APPBP2: variants seen among roughly 807,000 people sequenced by gnomAD.
APPBP2 encodes amyloid beta precursor protein binding protein 2.
Under a neutral mutation model 76.0 loss-of-function variants are expected in APPBP2, and 15 were observed. That is an observed-to-expected ratio of 0.20 (90% CI 0.13 to 0.30). The LOEUF (loss-of-function observed/expected upper bound fraction) is 0.30. Among genes scored for constraint, APPBP2 ranks in the 10% least tolerant of loss-of-function variants. APPBP2 has a pLI of 1.00. For missense variants in APPBP2, 401 were observed against 687.2 expected (o/e 0.58, Z 4.66); for synonymous variants, 222 against 242.2 (o/e 0.92, Z 0.77).
At chr17:60,506,319 T>A (rs1019906174) in intron 1 of APPBP2, among the ~76,000 whole-genome samples, 1 of 152,154 alleles carries the variant, frequency 6.6e-6, no homozygotes, top group Admixed American at 6.5e-5. Flanking sequence ...ATTTCTGACC[T>A]CATCGTTTAC....
chr17:60,498,830 A>C (rs1044808266), intron 2 of APPBP2, among the ~76,000 whole-genome samples: 12 of 152,216 alleles, frequency 7.9e-5, no homozygotes, highest in Non-Finnish European at 2.9e-5. Flanking sequence ...TCATAGTGAA[A>C]TAATACCAGG....
At chr17:60,475,648 T>TATAC (rs777888694) in intron 4 of APPBP2, among the ~76,000 whole-genome samples, 3 of 129,192 alleles carry the variant, frequency 2.3e-5, no homozygotes, top group African/African-American at 9.1e-5. Context: ...CAACTCTTTA[T>TATAC]ACACACACAC....
chr17:60,462,361 A>C (rs1400847803), intron 6 of APPBP2: 1 of 263,790 alleles, frequency 3.8e-6, no homozygotes, highest in African/African-American at 2.2e-5. Flanking sequence ...GCTATTATTA[A>C]AATAAAACAA....
chr17:60,508,750 G>A (rs1166922026), intron 1 of APPBP2, among the ~76,000 whole-genome samples: 1 of 152,138 alleles, frequency 6.6e-6, no homozygotes, highest in Non-Finnish European at 1.5e-5. Flanking sequence ...ATACTACCTA[G>A]ATGATTTACA....
At chr17:60,491,388 T>C (rs1303420309) in intron 3 of APPBP2, among the ~76,000 whole-genome samples, 1 of 152,146 alleles carries the variant, frequency 6.6e-6, no homozygotes, top group African/African-American at 2.4e-5. Context: ...GTGACTGGAG[T>C]GCTGTTAAAA....
At position 60,526,017 on chromosome 17, in the gene APPBP2, G is replaced by A. The variant is rs1278643469; in HGVS notation, c.-86C>T. On this transcript the variant is annotated 5_prime_UTR_variant, in exon 1 of 13. Coordinates refer to ENST00000083182, the MANE Select transcript of APPBP2 (RefSeq NM_006380.5). ...CGTAGCGAACCCCTCTGCGGCCCCG[G>A]AGGATTCGGAGGGGCGGTGGCAGCC... The A allele has an allele frequency of 2.9e-5, 39 of 1,343,018 alleles. No homozygotes were observed. Among genetic ancestry groups the A allele is most frequent in the Admixed American group, 7.4e-5 (3 of 40,320 alleles). 83.2% of individuals were successfully genotyped at this position (1,343,018 alleles called of 1,614,324 possible). A position where few individuals can be genotyped will look rare whatever the true frequency, so the allele number is the denominator to read the frequency against.
intron 1 of APPBP2, among the ~76,000 whole-genome samples, chr17:60,516,369 T>C (rs190439283): frequency 1.3e-5 from 2 of 152,314 alleles, no homozygotes; most frequent in Non-Finnish European, 2.9e-5. Context: ...ATAAATAATA[T>C]GAAGTTTTTT....
chr17:60,483,184 ATGAG>A (rs1413218111), intron 3 of APPBP2, among the ~76,000 whole-genome samples: 3 of 152,220 alleles, frequency 2.0e-5, no homozygotes, highest in African/African-American at 2.4e-5. Context: ...ACCAGTGATG[ATGAG>A]TATTTTTTCA....
At chr17:60,503,083 G>A (rs1187969766) in intron 1 of APPBP2, among the ~76,000 whole-genome samples, 1 of 140,642 alleles carries the variant, frequency 7.1e-6, no homozygotes, top group Non-Finnish European at 1.5e-5. Context: ...CATGATCTCA[G>A]CTCACTGCAA....
In APPBP2 at chr17:60,443,810, T is replaced by C. The variant is rs776898128; in HGVS notation, c.*3771A>G. 1.4e-3 allele frequency: 211 copies of C among 152,702 alleles called. 1 individual carries two copies. The highest frequency in any genetic ancestry group is 3.1e-3 in the Admixed American group (48 of 15,272). The allele number at this position is 152,702 out of a possible 1,614,324, so 9.5% of individuals were successfully genotyped here. A position where few individuals can be genotyped will look rare whatever the true frequency, so the allele number is the denominator to read the frequency against. On this transcript the variant is annotated 3_prime_UTR_variant, in exon 13 of 13. Transcript: ENST00000083182. ...CCACTCATGCTATAGATACCTAGGA[T>C]TGCAATTAAAGAATAGTATTATGCA...
At chr17:60,486,425 C>T (rs1037471620) in intron 3 of APPBP2, among the ~76,000 whole-genome samples, 8 of 152,186 alleles carry the variant, frequency 5.3e-5, no homozygotes, top group Admixed American at 2.0e-4. Flanking sequence ...CTCTTCTTGT[C>T]GAATTGATCC....
chr17:60,480,566 AT>A (rs11399154), intron 3 of APPBP2, among the ~76,000 whole-genome samples: 1 of 152,050 alleles, frequency 6.6e-6, no homozygotes, highest in East Asian at 1.9e-4. Flanking sequence ...GTAATTAAGC[AT>A]TTTTTTAATT....
chr17:60,475,961 T>C (rs1390946388), intron 4 of APPBP2, among the ~76,000 whole-genome samples: 1 of 152,104 alleles, frequency 6.6e-6, no homozygotes, highest in African/African-American at 2.4e-5. Context: ...AAAAGGGGGT[T>C]GCGGGTGTGA....
intron 3 of APPBP2, among the ~76,000 whole-genome samples, chr17:60,492,741 T>C (rs1202069238): frequency 1.3e-5 from 2 of 152,204 alleles, no homozygotes; most frequent in Admixed American, 1.3e-4. Flanking sequence ...GCTTTTGATT[T>C]TACAGGCTCA....
intron 8 of APPBP2, 186 bp from the exon 9 acceptor site, chr17:60,460,973 C>T (rs973146176): frequency 2.1e-5 from 8 of 380,122 alleles, no homozygotes; most frequent in Non-Finnish European, 3.6e-5. Context: ...TCTGAAGATA[C>T]GAGTTTGACT....
At chr17:60,476,648 C>G (rs2090593258) in intron 4 of APPBP2, among the ~76,000 whole-genome samples, 1 of 152,206 alleles carries the variant, frequency 6.6e-6, no homozygotes, top group African/African-American at 2.4e-5. Context: ...AGGCAGTGAG[C>G]TGGCATTATA....
In APPBP2 at chr17:60,451,219, C is replaced by T. The variant is rs908055413; in HGVS notation, c.1504+661G>A. Among the ~76,000 whole-genome samples, 6 of 152,158 alleles carry T rather than the reference C, an allele frequency of 3.9e-5. No homozygotes were observed. The East Asian group carries it at 1.2e-3, about 29-fold the overall frequency. ...TTCATCAAGTTCAAAAACAGGTAAG[C>T]CTGATCTATGATGTTAAAGGTAGGA... On this transcript the variant is annotated intron_variant, in intron 12 of 12. Transcript: ENST00000083182.
intron 1 of APPBP2, among the ~76,000 whole-genome samples, chr17:60,502,903 A>G (rs566286223): frequency 6.8e-6 from 1 of 146,920 alleles, no homozygotes; most frequent in East Asian, 1.9e-4. Context: ...TACTTTGCCT[A>G]AAAACAAAAT....
chr17:60,515,866 T>C (rs987713309), intron 1 of APPBP2, among the ~76,000 whole-genome samples: 2 of 152,064 alleles, frequency 1.3e-5, no homozygotes, highest in Non-Finnish European at 2.9e-5. Flanking sequence ...AAAAAGTCAA[T>C]AAGGAACATC....
Sources: allele counts gnomAD v4.1 joint callset (sites outside exome capture counted in the v4.1 genomes callset), GRCh38; gene constraint gnomAD v4.1.1; transcripts MANE v1.5; gene names NCBI Gene and HGNC (gene_info 2026-07-23, HGNC 2026-07-21).